IFT80: variants seen among roughly 807,000 people sequenced by gnomAD.
IFT80 encodes intraflagellar transport protein 80 homolog.
Under a neutral mutation model 107.9 loss-of-function variants are expected in IFT80, and 79 were observed. The ratio of observed to expected loss-of-function variants is 0.73; its 90% CI spans 0.61 to 0.88. The LOEUF (loss-of-function observed/expected upper bound fraction) is 0.88. Among genes scored for constraint, IFT80 ranks in the 40% least tolerant of loss-of-function variants. The probability of loss-of-function intolerance (pLI) is 0.00; values close to 1 mark genes in which losing one functional copy is unlikely to be tolerated. For missense variants in IFT80, 797 were observed against 914.2 expected (o/e 0.87, Z 1.65); for synonymous variants, 299 against 300.9 (o/e 0.99, Z 0.07).
chr3:160,340,361 A>T (rs2108332730), intron 8 of IFT80, among the ~76,000 whole-genome samples: 1 of 152,316 alleles, frequency 6.6e-6, no homozygotes, highest in East Asian at 1.9e-4. Context: ...ATTACCACAA[A>T]TTTAGAGCCT....
intron 14 of IFT80, 113 bp downstream of exon 14, chr3:160,282,365 A>C: frequency 2.7e-6 from 2 of 739,810 alleles, no homozygotes; most frequent in Non-Finnish European, 4.4e-6. Context: ...AATAGCTAAG[A>C]AGTATTACAA....
At chr3:160,390,413 G>A (rs1328750401) in intron 1 of IFT80, among the ~76,000 whole-genome samples, 5 of 138,606 alleles carry the variant, frequency 3.6e-5, no homozygotes, top group East Asian at 4.0e-4. Context: ...GTGAAATTCC[G>A]TCTCAAAAAA....
chr3:160,275,053 C>T (rs995502043), intron 18 of IFT80, among the ~76,000 whole-genome samples: 2 of 152,138 alleles, frequency 1.3e-5, no homozygotes, highest in South Asian at 2.1e-4. Context: ...TATATGTAAA[C>T]CTCAATTTCC....
chr3:160,325,167 G>T (rs1718592006), intron 8 of IFT80, among the ~76,000 whole-genome samples: 1 of 151,774 alleles, frequency 6.6e-6, no homozygotes, highest in South Asian at 2.1e-4. Context: ...CATGCTCATG[G>T]GTAGGAAGAA....
At chr3:160,280,261 A>G (rs190979331) in intron 15 of IFT80, among the ~76,000 whole-genome samples, 15 of 152,300 alleles carry the variant, frequency 9.8e-5, no homozygotes, top group Non-Finnish European at 2.2e-4. Flanking sequence ...ATCAACCAAA[A>G]ATTCAATTCT....
chr3:160,381,034 A>G (rs1351707631), intron 3 of IFT80, among the ~76,000 whole-genome samples: 5 of 151,892 alleles, frequency 3.3e-5, no homozygotes, highest in African/African-American at 1.2e-4. Context: ...CAGGAGTACA[A>G]GACTAGCCTG....
intron 11 of IFT80, among the ~76,000 whole-genome samples, chr3:160,302,568 T>C (rs1325638154): frequency 3.3e-5 from 5 of 152,084 alleles, no homozygotes; most frequent in Non-Finnish European, 7.4e-5. Context: ...TGATAGGCAG[T>C]AACTAAATTT....
At chr3:160,398,168 C>T (rs1713991302) in intron 1 of IFT80, among the ~76,000 whole-genome samples, 1 of 152,086 alleles carries the variant, frequency 6.6e-6, no homozygotes, top group Non-Finnish European at 1.5e-5. Flanking sequence ...AAAGATATAT[C>T]ACGATATTGA....
intron 8 of IFT80, among the ~76,000 whole-genome samples, chr3:160,326,085 C>T (rs545511110): frequency 6.6e-6 from 1 of 151,920 alleles, no homozygotes; most frequent in African/African-American, 2.4e-5. Flanking sequence ...TGATAACAAA[C>T]CCCCATAATA....
chr3:160,312,076 CG>C (rs1164640075), intron 9 of IFT80, among the ~76,000 whole-genome samples: 2 of 152,138 alleles, frequency 1.3e-5, no homozygotes, highest in Non-Finnish European at 2.9e-5. Flanking sequence ...CTACAGCGCC[CG>C]GCCAGTAGTC....
intron 9 of IFT80, 43 bp from the exon 10 acceptor site, chr3:160,307,824 T>A (rs1240010736): frequency 9.8e-7 from 1 of 1,016,048 alleles, no homozygotes; most frequent in Non-Finnish European, 1.6e-6. Flanking sequence ...TTATAACATA[T>A]CCAAATTTTA....
At chr3:160,376,444 A>T (rs1251188391) in intron 4 of IFT80, among the ~76,000 whole-genome samples, 4 of 152,202 alleles carry the variant, frequency 2.6e-5, no homozygotes, top group African/African-American at 9.6e-5. Context: ...CTGACAAACC[A>T]TTGGAAAACA....
chr3:160,360,679 A>G (rs1471846943), intron 6 of IFT80, among the ~76,000 whole-genome samples: 1 of 152,244 alleles, frequency 6.6e-6, no homozygotes, highest in Non-Finnish European at 1.5e-5. Flanking sequence ...TCTACAAGCC[A>G]GAAGGGAGAT....
At chr3:160,375,608 C>T (rs754996089) in intron 5 of IFT80, among the ~76,000 whole-genome samples, 1 of 152,010 alleles carries the variant, frequency 6.6e-6, no homozygotes, top group African/African-American at 2.4e-5. Context: ...TCCTATATTT[C>T]TTGGCTTGAA....
chr3:160,321,836 T>C (rs1345307045), intron 8 of IFT80, among the ~76,000 whole-genome samples: 1 of 151,626 alleles, frequency 6.6e-6, no homozygotes, highest in Admixed American at 6.6e-5. Flanking sequence ...TTTTTTTATA[T>C]GTGAAAGATT....
chr3:160,396,577 T>C (rs1468597948), intron 1 of IFT80, among the ~76,000 whole-genome samples: 3 of 152,184 alleles, frequency 2.0e-5, no homozygotes, highest in African/African-American at 7.2e-5. Flanking sequence ...CTGTGGGGTA[T>C]AATTTTTTTC....
At chr3:160,262,973 C>A (rs1051577091) in intron 19 of IFT80, among the ~76,000 whole-genome samples, 1 of 152,160 alleles carries the variant, frequency 6.6e-6, no homozygotes, top group Non-Finnish European at 1.5e-5. Context: ...TCTCCCTTGT[C>A]AATGTCCTTT....
At chr3:160,350,903 A>G (rs1720648652) in intron 8 of IFT80, among the ~76,000 whole-genome samples, 2 of 152,182 alleles carry the variant, frequency 1.3e-5, no homozygotes, top group Non-Finnish European at 2.9e-5. Context: ...TCAAAAGACA[A>G]CATTTCTTAA....
At chr3:160,325,959 G>A (rs761429470) in intron 8 of IFT80, among the ~76,000 whole-genome samples, 10 of 151,780 alleles carry the variant, frequency 6.6e-5, no homozygotes, top group African/African-American at 1.2e-4. Context: ...TGATAGTAAC[G>A]TTAAATTAAA....
Sources: allele counts gnomAD v4.1 joint callset (sites outside exome capture counted in the v4.1 genomes callset), GRCh38; gene constraint gnomAD v4.1.1; transcripts MANE v1.5; gene names NCBI Gene and HGNC (gene_info 2026-07-23, HGNC 2026-07-21).